TBC1D9: variants seen among roughly 807,000 people sequenced by gnomAD.
TBC1D9 encodes TBC1 domain family member 9A.
TBC1D9 carries 63 observed loss-of-function variants against 132.0 expected under a neutral mutation model. That is an observed-to-expected ratio of 0.48 (90% CI 0.39 to 0.59). The LOEUF (loss-of-function observed/expected upper bound fraction) is 0.59, where lower values mean the gene tolerates loss of function less well. Among genes scored for constraint, TBC1D9 ranks in the 20% least tolerant of loss-of-function variants. The pLI is 0.00. For synonymous variants in TBC1D9, 610 were observed against 609.9 expected, an observed-to-expected ratio of 1.00 and a Z score of 0.00; for missense variants, 1,261 against 1,592.7, an observed-to-expected ratio of 0.79 and a Z score of 3.54.
chr4:140,635,659 G>T (rs1326279017), intron 15 of TBC1D9, among the ~76,000 whole-genome samples: 1 of 152,180 alleles, frequency 6.6e-6, no homozygotes, highest in Admixed American at 6.5e-5. Context: ...ATTGGGAATT[G>T]TAGTGAAAAA....
intron 2 of TBC1D9, among the ~76,000 whole-genome samples, chr4:140,687,280 A>G (rs1737794141): frequency 7.1e-6 from 1 of 141,638 alleles, no homozygotes; most frequent in Non-Finnish European, 1.5e-5. Context: ...GGCTTTTTAT[A>G]ATTTGTCCGT....
At position 140,657,053 on chromosome 4, in the gene TBC1D9, C is replaced by T. The variant is rs566709696; in HGVS notation, c.2337+44G>A. The T allele has an allele frequency of 1.3e-5, 21 of 1,600,936 alleles. No homozygotes were observed. The East Asian group carries it at 1.6e-4, about 12-fold the overall frequency. Reference sequence around the variant, plus strand: ...ACAAAACAGGCAGCAGTGGAAGTGTCGAATGCATGGTTAAGCCCTGCTCAG... The same window carrying T: ...ACAAAACAGGCAGCAGTGGAAGTGTTGAATGCATGGTTAAGCCCTGCTCAG... On this transcript the variant is annotated intron_variant, in intron 13 of 20. Transcript: ENST00000442267.
At chr4:140,732,088 T>C (rs1326341111) in intron 1 of TBC1D9, among the ~76,000 whole-genome samples, 2 of 152,156 alleles carry the variant, frequency 1.3e-5, no homozygotes, top group Admixed American at 1.3e-4. Flanking sequence ...GGCTCAGAAG[T>C]CAGGCTCTTA....
intron 1 of TBC1D9, among the ~76,000 whole-genome samples, chr4:140,723,198 G>C (rs1258237157): frequency 2.0e-5 from 3 of 152,178 alleles, no homozygotes; most frequent in Non-Finnish European, 4.4e-5. Flanking sequence ...TGGGTAACCT[G>C]CATGAATACA....
At chr4:140,696,428 G>T (rs970578714) in intron 2 of TBC1D9, among the ~76,000 whole-genome samples, 23 of 116,204 alleles carry the variant, frequency 2.0e-4, no homozygotes, top group Non-Finnish European at 3.2e-4. Context: ...CTGCACTCCA[G>T]CCTGGAGACA....
chr4:140,622,298 G>C lies in TBC1D9; in HGVS notation c.3698C>G (p.Pro1233Arg). 1 of 1,613,642 alleles carries C rather than the reference G, an allele frequency of 6.2e-7. No individual in the cohort carries two copies. Among genetic ancestry groups the C allele is most frequent in the South Asian group, 1.1e-5 (1 of 91,082 alleles). ...GGTAATCCTGGCCATCATGCACACG[G>C]GCTTGTCAAAGTACTTGACCAGGGC... is the stretch of plus-strand genomic sequence containing the variant. ...EPALVKYFDKPVCMMARITSA... is the reference protein window; with the variant it reads ...EPALVKYFDKRVCMMARITSA... Residue 1233 changes from proline (P) to arginine (R), a missense_variant, in exon 21 of 21, where the codon CCC becomes CGC. Pro to Arg is a moderately radical substitution (Grantham distance 103). This residue lies in a region of TBC1D9 where 618 missense variants were observed against 724.4 expected (regional missense o/e 0.85). Coordinates refer to ENST00000442267, the MANE Select transcript of TBC1D9 (RefSeq NM_015130.3).
chr4:140,669,905 T>C (rs1029562322), intron 7 of TBC1D9, 101 bp from the exon 8 acceptor site: 3 of 1,209,026 alleles, frequency 2.5e-6, no homozygotes, highest in Admixed American at 4.7e-5. Context: ...ATCATTTTTT[T>C]CCCATGGTGT....
rs559146441 is a variant in TBC1D9 at position 140,653,958 on chromosome 4, A to C, written c.2337+3139T>G. Among the ~76,000 whole-genome samples, 3 of 152,352 alleles carry C rather than the reference A, an allele frequency of 2.0e-5. No individual in the cohort carries two copies. The South Asian group carries it at 6.2e-4, about 32-fold the overall frequency. ...TCTCAATTTCTTTGCTTTCGCTTTA[A>C]AAATGGGCAAAATGCTGACTTCAGC... On this transcript the variant is annotated intron_variant, in intron 13 of 20. Coordinates refer to ENST00000442267, the MANE Select transcript of TBC1D9 (RefSeq NM_015130.3).
intron 1 of TBC1D9, among the ~76,000 whole-genome samples, chr4:140,714,022 AC>A (rs1350425807): frequency 3.3e-5 from 5 of 152,160 alleles, no homozygotes; most frequent in African/African-American, 1.2e-4. Flanking sequence ...AGAATCGGTA[AC>A]CCTTGGCATA....
rs544679996 is a variant in TBC1D9 at position 140,685,466 on chromosome 4, A to G, written c.360+878T>C. Among the ~76,000 whole-genome samples the G allele has an allele frequency of 2.6e-5, 4 of 152,298 alleles. No individual in the cohort carries two copies. The East Asian group carries it at 7.7e-4, about 29-fold the overall frequency. On this transcript the variant is annotated intron_variant, in intron 3 of 20. Transcript: ENST00000442267. ...AATGAAATCATTCTAGTAAAAAACC[A>G]GAATTGTATACTTTAAAAACCTCAA...
chr4:140,676,670 C>T (rs1276575256), intron 6 of TBC1D9, among the ~76,000 whole-genome samples: 2 of 151,904 alleles, frequency 1.3e-5, no homozygotes, highest in Non-Finnish European at 2.9e-5. Context: ...AAAATAAAAA[C>T]AAAACCTACA....
At position 140,670,789 on chromosome 4, in the gene TBC1D9, C is replaced by T; in HGVS notation, c.1197G>A (p.Leu399=). 1 of 1,614,014 alleles carries T rather than the reference C, an allele frequency of 6.2e-7. No homozygotes were observed. The highest frequency in any genetic ancestry group is 8.5e-7 in the Non-Finnish European group (1 of 1,179,902). ...AATATATTTTGGAAGTAGTCTGTTG[C>T]AGGAAATCTGAGATCCTCTGCACTA... ...DFLVQRISDF[L]QQTTSKIYSD... Residue 399 remains leucine (L), a synonymous_variant, in exon 7 of 21, where the codon CTG becomes CTA. Transcript: ENST00000442267.
rs544255462 is a variant in TBC1D9 at position 140,686,548 on chromosome 4, AC to A, written c.242-87del. The A allele has an allele frequency of 1.2e-3, 987 of 837,468 alleles. 1 individual carries two copies. The highest frequency in any genetic ancestry group is 1.8e-3 in the Non-Finnish European group (898 of 511,226). The allele number at this position is 837,468 out of a possible 1,614,324, so 51.9% of individuals were successfully genotyped here. On this transcript the variant is annotated intron_variant, in intron 2 of 20. Transcript: ENST00000442267. ...GGCTCACTTTTTCATTATAGTCTAT[AC>A]CATCAAAGGAGACTATCGGACCAAG...
intron 13 of TBC1D9, among the ~76,000 whole-genome samples, chr4:140,646,108 T>C (rs1052322287): frequency 2.0e-5 from 3 of 152,202 alleles, no homozygotes; most frequent in Admixed American, 2.0e-4. Context: ...CTGATTCACA[T>C]GTAAGTGCTC....
At chr4:140,755,265 C>T (rs1178515304) in intron 1 of TBC1D9, among the ~76,000 whole-genome samples, 2 of 152,032 alleles carry the variant, frequency 1.3e-5, no homozygotes, top group Non-Finnish European at 2.9e-5. Flanking sequence ...TACAATAATA[C>T]CTTGAAGGGA....
chr4:140,674,675 G>GT lies in TBC1D9; in HGVS notation c.1059+2218_1059+2219insA, dbSNP rs1213185678. Among the ~76,000 whole-genome samples, 1,044 of 142,780 alleles carry GT rather than the reference G, an allele frequency of 7.3e-3. 5 individuals are homozygous for GT. Among genetic ancestry groups the GT allele is most frequent in the African/African-American group, 0.025 (958 of 38,098 alleles). The allele number at this position is 142,780 out of a possible 152,430, so 93.7% of individuals were successfully genotyped here. A position where few individuals can be genotyped will look rare whatever the true frequency, so the allele number is the denominator to read the frequency against. Reference sequence around the variant, plus strand: ...CTTAAAAAAAAATTACATTGTAGAAGAATATATATATATATATTTTTTTTT... The same window carrying GT: ...CTTAAAAAAAAATTACATTGTAGAAGTAATATATATATATATATTTTTTTTT... On this transcript the variant is annotated intron_variant, in intron 6 of 20. Transcript: ENST00000442267.
chr4:140,680,742 T>G (rs552617622), intron 3 of TBC1D9, among the ~76,000 whole-genome samples: 2 of 152,292 alleles, frequency 1.3e-5, no homozygotes, highest in African/African-American at 4.8e-5. Context: ...CTCATTGACA[T>G]GACTGAGCTC....
In TBC1D9 at chr4:140,679,138, C is replaced by A. The variant is rs757347232; in HGVS notation, c.655G>T (p.Asp219Tyr). The change falls in exon 5 of 21, where the codon GAT (aspartate) becomes TAT (tyrosine). Residue 219 changes from aspartate (D) to tyrosine (Y), a missense_variant. By Grantham distance (160) the Asp-to-Tyr change is radical. Around this residue, in one of 3 missense-constraint regions of TBC1D9, gnomAD observed 550 missense variants for 699.0 expected, o/e 0.79. Coordinates refer to ENST00000442267, the MANE Select transcript of TBC1D9 (RefSeq NM_015130.3). ...LEKNATLLLP[D>Y]VIKVSTRSSE... ...GACCGTGTGCTCACTTTGATCACAT[C>A]AGGCAGAAGCAGGGTGGCATTCTTC... The A allele has an allele frequency of 5.6e-6, 9 of 1,613,746 alleles. No individual in the cohort carries two copies. The Admixed American group carries it at 1.2e-4, about 21-fold the overall frequency.
At chr4:140,664,877 G>T (rs1737418204) in intron 9 of TBC1D9, among the ~76,000 whole-genome samples, 1 of 152,148 alleles carries the variant, frequency 6.6e-6, no homozygotes, top group South Asian at 2.1e-4. Context: ...GACAGGCCAA[G>T]GTGGGTGTAT....
Sources: gnomAD v4.1 joint callset for allele counts (sites outside exome capture counted in the v4.1 genomes callset) on GRCh38, gnomAD v4.1.1 for gene constraint, gnomAD v4.1.1 regional missense constraint, MANE v1.5 for transcripts, NCBI Gene and HGNC (gene_info 2026-07-23, HGNC 2026-07-21) for gene names.